MID1: variants seen among roughly 807,000 people sequenced by gnomAD.
The protein encoded by MID1 is E3 ubiquitin-protein ligase Midline-1.
A neutral mutation model predicts 40.4 loss-of-function variants in MID1; 7 were observed. The ratio of observed to expected loss-of-function variants is 0.17; its 90% confidence interval spans 0.10 to 0.33. The LOEUF (loss-of-function observed/expected upper bound fraction) is 0.33, where lower values mean the gene tolerates loss of function less well. MID1 is among the 10% of genes least tolerant of loss of function. The pLI is 1.00. For synonymous variants in MID1, 229 were observed against 221.2 expected (o/e 1.04, Z -0.31); for missense variants, 367 against 558.5 (o/e 0.66, Z 3.46).
chrX:10,561,482 T>C (rs184165885), intron 2 of MID1, among the ~76,000 whole-genome samples: 1,241 of 107,060 alleles, frequency 0.012, 147 homozygotes, highest in African/African-American at 0.036. Context: ...GACAAAGGGC[T>C]AATATCCAGA....
chrX:10,740,273 C>T (rs372185414), intron 1 of MID1, among the ~76,000 whole-genome samples: 4 of 112,997 alleles, frequency 3.5e-5, no homozygotes, highest in Non-Finnish European at 5.6e-5. Context: ...GTTGGCTACA[C>T]GTCCACGTGG....
At chrX:10,690,758 C>T (rs2043127453) in intron 1 of MID1, among the ~76,000 whole-genome samples, 1 of 111,907 alleles carries the variant, frequency 8.9e-6, no homozygotes, top group Non-Finnish European at 1.9e-5. Context: ...GCAGTTTTCC[C>T]AAGTACTGCT....
chrX:10,552,331 T>C (rs999152763), intron 2 of MID1, among the ~76,000 whole-genome samples: 2 of 111,178 alleles, frequency 1.8e-5, no homozygotes, highest in Non-Finnish European at 3.8e-5. Flanking sequence ...AACTGTATTG[T>C]TTGACTTTGT....
chrX:10,754,323 G>T (rs58972730), intron 1 of MID1, among the ~76,000 whole-genome samples: 3,861 of 105,268 alleles, frequency 0.037, 303 homozygotes, highest in African/African-American at 0.14. Context: ...TTTGTTTTTT[G>T]TTTTTTTTGT....
chrX:10,744,072 A>C (rs996883832), intron 1 of MID1, among the ~76,000 whole-genome samples: 2 of 111,739 alleles, frequency 1.8e-5, no homozygotes, highest in African/African-American at 6.5e-5. Context: ...GTTGCTAAGA[A>C]ACATGCAACT....
chrX:10,682,309 G>A (rs2043066294), intron 1 of MID1, among the ~76,000 whole-genome samples: 1 of 109,583 alleles, frequency 9.1e-6, no homozygotes, highest in African/African-American at 3.4e-5. Context: ...CAGAAAGTTT[G>A]ACCTAATTTC....
intron 1 of MID1, among the ~76,000 whole-genome samples, chrX:10,707,009 T>G (rs1311201737): frequency 8.9e-6 from 1 of 112,022 alleles, no homozygotes; most frequent in Non-Finnish European, 1.9e-5. Flanking sequence ...AAGCATGCAA[T>G]TTGAGAAGGC....
At chrX:10,496,347 T>A (rs1260346407) in intron 3 of MID1, among the ~76,000 whole-genome samples, 1 of 112,375 alleles carries the variant, frequency 8.9e-6, no homozygotes, top group Non-Finnish European at 1.9e-5. Flanking sequence ...TGTGGAAAGG[T>A]GGATCATTAG....
At chrX:10,737,708 T>G (rs1988027737) in intron 1 of MID1, among the ~76,000 whole-genome samples, 1 of 106,350 alleles carries the variant, frequency 9.4e-6, no homozygotes, top group Non-Finnish European at 1.9e-5. Flanking sequence ...AGGAAGGGTG[T>G]CAGAGAGGAG....
At position 10,446,916 on chromosome X, in the gene MID1, A is replaced by G. The variant is rs1442244034; in HGVS notation, c.*2452T>C. The G allele has an allele frequency of 1.8e-5, 2 of 111,687 alleles. No individual in the cohort carries two copies. The highest frequency in any genetic ancestry group is 3.8e-5 in the Non-Finnish European group (2 of 53,255). 9.2% of individuals were successfully genotyped at this position (111,687 alleles called of 1,213,427 possible). A position where few individuals can be genotyped will look rare whatever the true frequency, so the allele number is the denominator to read the frequency against. The stretch of plus-strand genomic sequence containing the variant: ...AGTGTTTCCTGTGGTGAGGACCCCA[A>G]ATAATAAAATACTGTGACCTCAATC... On this transcript the variant is annotated 3_prime_UTR_variant, in exon 10 of 10. Transcript: ENST00000317552.
intron 1 of MID1, among the ~76,000 whole-genome samples, chrX:10,762,531 T>G (rs183525237): frequency 1.2e-4 from 13 of 109,587 alleles, no homozygotes; most frequent in African/African-American, 4.3e-4. Flanking sequence ...CCTCCTGGGC[T>G]CAAGTGATCC....
At chrX:10,535,558 T>C (rs756736619) in intron 2 of MID1, among the ~76,000 whole-genome samples, 12 of 111,784 alleles carry the variant, frequency 1.1e-4, no homozygotes, top group South Asian at 7.5e-4. Flanking sequence ...CTTTTTATAC[T>C]TGAAAATATA....
chrX:10,807,135 C>A (rs1167932163), intron 1 of MID1, among the ~76,000 whole-genome samples: 1 of 110,195 alleles, frequency 9.1e-6, no homozygotes, highest in African/African-American at 3.3e-5. Context: ...ATCCCAGCTA[C>A]TCGGGAGGCT....
At chrX:10,724,821 T>C (rs1444966480) in intron 1 of MID1, among the ~76,000 whole-genome samples, 1 of 112,449 alleles carries the variant, frequency 8.9e-6, no homozygotes, top group Non-Finnish European at 1.9e-5. Context: ...TTACTCAACA[T>C]GGAGAAAACC....
intron 1 of MID1, among the ~76,000 whole-genome samples, chrX:10,696,455 C>T (rs973509471): frequency 9.0e-6 from 1 of 111,345 alleles, no homozygotes; most frequent in East Asian, 2.8e-4. Flanking sequence ...TGCCCTCTTC[C>T]AAGTGTACTT....
chrX:10,627,040 G>A (rs1273551236), intron 1 of MID1, among the ~76,000 whole-genome samples: 1 of 111,906 alleles, frequency 8.9e-6, no homozygotes, highest in Non-Finnish European at 1.9e-5. Flanking sequence ...GGAGTGGGAT[G>A]GGACAGGGAT....
chrX:10,590,063 G>A (rs1935253736), intron 1 of MID1, among the ~76,000 whole-genome samples: 1 of 110,631 alleles, frequency 9.0e-6, no homozygotes, highest in African/African-American at 3.3e-5. Flanking sequence ...ACGTGACAGG[G>A]GCTGCATGCA....
intron 3 of MID1, among the ~76,000 whole-genome samples, chrX:10,518,686 T>G (rs912529069): frequency 5.3e-5 from 6 of 112,178 alleles, no homozygotes; most frequent in African/African-American, 1.9e-4. Context: ...TAAAAATAAG[T>G]ACTGTAAGTA....
chrX:10,508,431 C>T (rs1372802615), intron 3 of MID1, among the ~76,000 whole-genome samples: 2 of 111,991 alleles, frequency 1.8e-5, no homozygotes, highest in African/African-American at 6.5e-5. Flanking sequence ...TTAATTTTAC[C>T]TGATTATTTT....
Sources: gnomAD v4.1 joint callset for allele counts (sites outside exome capture counted in the v4.1 genomes callset) on GRCh38, gnomAD v4.1.1 for gene constraint, MANE v1.5 for transcripts, NCBI Gene and HGNC (gene_info 2026-07-23, HGNC 2026-07-21) for gene names.